Variants in PMFBP1 observed in about 807,000 individuals in gnomAD.
The protein encoded by PMFBP1 is polyamine-modulated factor 1-binding protein 1.
A neutral mutation model predicts 137.8 loss-of-function variants in PMFBP1; 131 were observed. The ratio of observed to expected loss-of-function variants is 0.95; its 90% confidence interval spans 0.82 to 1.10. PMFBP1 has a LOEUF of 1.10. PMFBP1 is among the 50% of genes least tolerant of loss of function. PMFBP1 has a pLI of 0.00. For synonymous variants in PMFBP1, 490 were observed against 450.4 expected (o/e 1.09, Z -1.11); for missense variants, 1,199 against 1,175.4 (o/e 1.02, Z -0.29).
chr16:72,247,944 G>C, the PMFBP1 span, among the ~76,000 whole-genome samples: 1 of 152,164 alleles, frequency 6.6e-6, no homozygotes, highest in Non-Finnish European at 1.5e-5. Context: ...TTGGTTTGCA[G>C]ATTTTTCTTT....
chr16:72,228,876 T>C, the PMFBP1 span, among the ~76,000 whole-genome samples: 2 of 151,518 alleles, frequency 1.3e-5, no homozygotes, highest in East Asian at 1.9e-4. Flanking sequence ...TTATTTTAGG[T>C]TCGGGGGTAC....
chr16:72,189,313 C>T, the PMFBP1 span, among the ~76,000 whole-genome samples: 1 of 152,200 alleles, frequency 6.6e-6, no homozygotes, highest in Non-Finnish European at 1.5e-5. Flanking sequence ...CCTCAGCCAC[C>T]ACATGCTGCC....
chr16:72,220,100 A>G, the PMFBP1 span, among the ~76,000 whole-genome samples: 1 of 152,260 alleles, frequency 6.6e-6, no homozygotes, highest in African/African-American at 2.4e-5. Flanking sequence ...ATGAACGGGC[A>G]TAACTCTTTG....
chr16:72,180,748 T>C (rs1012710620), upstream of PMFBP1, among the ~76,000 whole-genome samples: 5 of 152,102 alleles, frequency 3.3e-5, no homozygotes, highest in East Asian at 1.9e-4. Context: ...GCTAAACAGA[T>C]TGACTGAAGG....
chr16:72,187,513 G>A, the PMFBP1 span, among the ~76,000 whole-genome samples: 1 of 152,202 alleles, frequency 6.6e-6, no homozygotes, highest in Non-Finnish European at 1.5e-5. Flanking sequence ...GATGATGGTA[G>A]GGCTGATTTT....
At chr16:72,136,330 T>C in intron 9 of PMFBP1, 118 bp downstream of exon 9, 2 of 1,169,992 alleles carry the variant, frequency 1.7e-6, no homozygotes, top group South Asian at 1.5e-5. Flanking sequence ...ACCATCTCAC[T>C]GTGCTTGTGT....
At position 72,130,546 on chromosome 16, in the gene PMFBP1, G is replaced by C. The variant is rs1169793953; in HGVS notation, c.1624C>G (p.Gln542Glu). ...QKESSMAEKE[Q>E]TSNRKRVEEL... ...GAGCCTGGGCACCTGTTGGAGGTTT[G>C]TTCCTTCTCAGCCATCGAGGACTCC... The change falls in exon 11 of 21, where the codon CAA becomes GAA. Residue 542 changes from glutamine to glutamate, a missense_variant. Physicochemically the swap from Gln to Glu is conservative, Grantham distance 29 (BLOSUM62 2). Transcript: ENST00000237353. 1 of 1,613,968 alleles carries C rather than the reference G, an allele frequency of 6.2e-7. No homozygotes were observed. The highest frequency in any genetic ancestry group is 8.5e-7 in the Non-Finnish European group (1 of 1,180,004).
At chr16:72,193,070 T>C in the PMFBP1 span, among the ~76,000 whole-genome samples, 37 of 152,242 alleles carry the variant, frequency 2.4e-4, no homozygotes, top group African/African-American at 7.9e-4. Flanking sequence ...CCACCCTATA[T>C]GGAGGACCCT....
At chr16:72,122,508 C>T (rs1254908744) in intron 19 of PMFBP1, among the ~76,000 whole-genome samples, 2 of 152,172 alleles carry the variant, frequency 1.3e-5, no homozygotes, top group African/African-American at 4.8e-5. Flanking sequence ...AAGGGCTCCT[C>T]CAACCTGGCC....
intron 3 of PMFBP1, among the ~76,000 whole-genome samples, chr16:72,156,252 G>A (rs1189349377): frequency 6.6e-6 from 1 of 152,114 alleles, no homozygotes; most frequent in African/African-American, 2.4e-5. Context: ...CTCCCAAAGT[G>A]CTGGGATTAC....
At chr16:72,180,541 G>A (rs1294762389), upstream of PMFBP1, among the ~76,000 whole-genome samples, 5 of 152,100 alleles carry the variant, frequency 3.3e-5, no homozygotes, top group African/African-American at 1.2e-4. Context: ...ACAGGAACAA[G>A]TTGTCGGAAA....
Position 72,150,700 on chromosome 16 carries a change from TGTA to T in PMFBP1, c.541_543del (p.Tyr181del), listed in dbSNP as rs755572877. The T allele has an allele frequency of 6.2e-6, 10 of 1,614,184 alleles. No homozygotes were observed. Among genetic ancestry groups the T allele is most frequent in the Middle Eastern group, 1.7e-4 (1 of 6,058 alleles). On this transcript the variant is annotated inframe_deletion, in exon 5 of 21. Transcript: ENST00000237353. ...CTCAGGGAAGACTGGTATTTATCCCTGTAGAGGTTTAAGCTCCTCTCTAGAGAG... is the reference window on the plus strand; with the variant it reads ...CTCAGGGAAGACTGGTATTTATCCCTGAGGTTTAAGCTCCTCTCTAGAGAG...
At chr16:72,226,236 C>A in the PMFBP1 span, among the ~76,000 whole-genome samples, 4 of 152,114 alleles carry the variant, frequency 2.6e-5, no homozygotes, top group African/African-American at 9.7e-5. Context: ...TTATTCTGGG[C>A]TGTGGTTATC....
chr16:72,159,797 C>CTTTT (rs34162927), intron 3 of PMFBP1, among the ~76,000 whole-genome samples: 1 of 147,554 alleles, frequency 6.8e-6, no homozygotes, highest in Non-Finnish European at 1.5e-5. Flanking sequence ...GCTTCTTTGT[C>CTTTT]TTTTTTTTTT....
the PMFBP1 span, among the ~76,000 whole-genome samples, chr16:72,202,782 T>C: frequency 2.0e-5 from 3 of 152,208 alleles, no homozygotes; most frequent in Admixed American, 2.0e-4. Context: ...CCTTCCTTTG[T>C]TTCCAAATCC....
At chr16:72,122,039 C>G (rs8061282) in intron 19 of PMFBP1, among the ~76,000 whole-genome samples, 1 of 151,940 alleles carries the variant, frequency 6.6e-6, no homozygotes. Flanking sequence ...TTGCTCCTCT[C>G]CCTCCTCCCA....
At chr16:72,151,550 A>C (rs1202731653) in intron 4 of PMFBP1, among the ~76,000 whole-genome samples, 1 of 152,164 alleles carries the variant, frequency 6.6e-6, no homozygotes, top group Non-Finnish European at 1.5e-5. Context: ...GTGTTGAAGG[A>C]GTTAACAGCA....
At chr16:72,129,641 A>C (rs1008373682) in intron 12 of PMFBP1, among the ~76,000 whole-genome samples, 1 of 152,260 alleles carries the variant, frequency 6.6e-6, no homozygotes, top group African/African-American at 2.4e-5. Context: ...TATTTAAAAA[A>C]TAAATAAATT....
chr16:72,160,720 G>C (rs897113475), intron 3 of PMFBP1, among the ~76,000 whole-genome samples: 1 of 152,042 alleles, frequency 6.6e-6, no homozygotes, highest in Admixed American at 6.5e-5. Context: ...AATAGAAAAA[G>C]GAAGTTAACA....
Sources: gnomAD v4.1 joint callset for allele counts (sites outside exome capture counted in the v4.1 genomes callset) on GRCh38, gnomAD v4.1.1 for gene constraint, MANE v1.5 for transcripts, NCBI Gene and HGNC (gene_info 2026-07-23, HGNC 2026-07-21) for gene names.